SRPX: variants seen among roughly 807,000 people sequenced by gnomAD.
SRPX encodes the protein sushi repeat containing protein X-linked.
Under a neutral mutation model 38.1 loss-of-function variants are expected in SRPX, and 24 were observed. The ratio of observed to expected loss-of-function variants is 0.63; its 90% CI spans 0.46 to 0.89. SRPX has a LOEUF of 0.89. Ranked by LOEUF, SRPX falls within the 40% of genes least tolerant of loss-of-function variation. The pLI is 0.00. For missense variants in SRPX, 416 were observed against 377.8 expected (o/e 1.10, Z -0.84); for synonymous variants, 184 against 153.8 (o/e 1.20, Z -1.45).
chrX:38,203,751 C>T (rs192072525), intron 1 of SRPX, among the ~76,000 whole-genome samples: 38 of 111,804 alleles, frequency 3.4e-4, no homozygotes, highest in African/African-American at 1.1e-3. Flanking sequence ...TGCATTCCAG[C>T]CTGCGCAACA....
chrX:38,152,133 T>G (rs1470181191), intron 9 of SRPX, among the ~76,000 whole-genome samples: 1 of 111,836 alleles, frequency 8.9e-6, no homozygotes, highest in Non-Finnish European at 1.9e-5. Flanking sequence ...TCCCATTCTT[T>G]GCCTAAATCA....
rs777199934 is a variant in SRPX at position 38,220,769 on chromosome X, G to T, written c.24C>A (p.Pro8=). 9 of 1,133,344 alleles carry T rather than the reference G, an allele frequency of 7.9e-6. No homozygotes were observed. In the African/African-American group the frequency reaches 1.3e-4, roughly 16 times the overall value. 93.4% of individuals were successfully genotyped at this position (1,133,344 alleles called of 1,213,427 possible). ...GAGGCGGCAGCAGCAGCAGCAGCGC[G>T]GGCCGATGTGCGGGGCTCCCCATGG... is the stretch of plus-strand genomic sequence containing the variant. MGSPAHR[P]ALLLLLPPLL... Residue 8 remains proline, a synonymous_variant, in exon 1 of 10, where the codon CCC becomes CCA. Coordinates refer to ENST00000378533, the MANE Select transcript of SRPX (RefSeq NM_006307.5).
In SRPX at chrX:38,171,882, C is replaced by A. The variant is rs1489756105; in HGVS notation, c.525G>T (p.Val175=). 1 of 1,209,372 alleles carries A rather than the reference C, an allele frequency of 8.3e-7. No individual in the cohort carries two copies. The highest frequency in any genetic ancestry group is 1.1e-6 in the Non-Finnish European group (1 of 894,963). Residue 175 remains valine (V), a splice_region_variant and synonymous_variant, in exon 4 of 10, where the codon GTG becomes GTT. Transcript: ENST00000378533. ...CTAAGGGCTGTGGCATTTTCTTACC[C>A]ACACAGGAGGCTGGCCGGCCGCTCC... is the stretch of plus-strand genomic sequence containing the variant. The part of the protein sequence containing the change: ...KAWSGRPASC[V]DMEPPRIKCP...
chrX:38,212,339 G>A (rs1412037363), intron 1 of SRPX, among the ~76,000 whole-genome samples: 1 of 111,811 alleles, frequency 8.9e-6, no homozygotes, highest in Non-Finnish European at 1.9e-5. Context: ...GGAAAGGAAG[G>A]TCAGAGGATT....
intron 1 of SRPX, among the ~76,000 whole-genome samples, chrX:38,214,904 G>T: frequency 8.9e-6 from 1 of 111,739 alleles, no homozygotes; most frequent in South Asian, 3.8e-4. Context: ...CACAATAAGC[G>T]GCAGGCGAGC....
At chrX:38,209,205 G>T (rs1294812854) in intron 1 of SRPX, among the ~76,000 whole-genome samples, 1 of 110,069 alleles carries the variant, frequency 9.1e-6, no homozygotes, top group Non-Finnish European at 1.9e-5. Flanking sequence ...ACATAGAAAT[G>T]GAAGTTGTCA....
At chrX:38,159,919 A>G in intron 7 of SRPX, 98 bp downstream of exon 7, 1 of 976,444 alleles carries the variant, frequency 1.0e-6, no homozygotes, top group Non-Finnish European at 1.4e-6. Flanking sequence ...ATGGCCATGA[A>G]CTTCTCAAAG....
chrX:38,220,798 G>C lies in SRPX; in HGVS notation c.-6C>G, dbSNP rs766518457. 74 of 1,093,749 alleles carry C rather than the reference G, an allele frequency of 6.8e-5. No individual in the cohort carries two copies. The highest frequency in any genetic ancestry group is 7.8e-5 in the Non-Finnish European group (66 of 846,183). The allele number at this position is 1,093,749 out of a possible 1,213,427, so 90.1% of individuals were successfully genotyped here. On this transcript the variant is annotated 5_prime_UTR_variant, in exon 1 of 10. Transcript: ENST00000378533. ...CGATGTGCGGGGCTCCCCATGGCGA[G>C]CGGGCGCTTAGCTCGCCTCGGCAGC... is the stretch of plus-strand genomic sequence containing the variant.
chrX:38,151,595 G>A (rs1273108582), intron 9 of SRPX, among the ~76,000 whole-genome samples: 2 of 111,506 alleles, frequency 1.8e-5, no homozygotes, highest in Non-Finnish European at 3.8e-5. Flanking sequence ...GACACAGAAT[G>A]TAAAGAGGGA....
chrX:38,150,292 T>C (rs1937989118), intron 9 of SRPX, among the ~76,000 whole-genome samples: 1 of 112,383 alleles, frequency 8.9e-6, no homozygotes, highest in African/African-American at 3.2e-5. Context: ...TTTTTTTTAT[T>C]AAATTGGAAT....
At chrX:38,205,632 T>A (rs938368928) in intron 1 of SRPX, among the ~76,000 whole-genome samples, 2 of 112,217 alleles carry the variant, frequency 1.8e-5, no homozygotes, top group Non-Finnish European at 3.8e-5. Context: ...TATTTAGGTC[T>A]ATGATCTATT....
At position 38,154,532 on chromosome X, in the gene SRPX, C is replaced by T; in HGVS notation, c.1141G>A (p.Gly381Ser). 1 of 1,207,053 alleles carries T rather than the reference C, an allele frequency of 8.3e-7. No individual in the cohort carries two copies. Among genetic ancestry groups the T allele is most frequent in the Non-Finnish European group, 1.1e-6 (1 of 893,228 alleles). ...CTGCCAATGAGAGTCGGGAACACAC[C>T]CACCAGCTCCACCACGGTGATGTGT... ...LRHITVVELV[G>S]VFPTLIGRIG... The change falls in exon 9 of 10, where the codon GGT becomes AGT. Residue 381 changes from glycine (G) to serine (S), a missense_variant. Transcript: ENST00000378533.
At chrX:38,214,993 C>G (rs1307315503) in intron 1 of SRPX, among the ~76,000 whole-genome samples, 1 of 111,788 alleles carries the variant, frequency 8.9e-6, no homozygotes, top group African/African-American at 3.3e-5. Context: ...ACATTGCAAA[C>G]AGCTAGTGAT....
chrX:38,163,273 C>T (rs1473417106), intron 5 of SRPX, among the ~76,000 whole-genome samples: 1 of 112,071 alleles, frequency 8.9e-6, no homozygotes, highest in East Asian at 2.8e-4. Flanking sequence ...ACAAAATGTC[C>T]TGTCTCCTCT....
At chrX:38,203,323 A>G (rs968958279) in intron 1 of SRPX, among the ~76,000 whole-genome samples, 8 of 112,570 alleles carry the variant, frequency 7.1e-5, no homozygotes, top group Non-Finnish European at 1.1e-4. Context: ...GCCCACAATT[A>G]ACATTATACT....
At chrX:38,169,463 A>C (rs1292847199) in intron 4 of SRPX, among the ~76,000 whole-genome samples, 1 of 108,693 alleles carries the variant, frequency 9.2e-6, no homozygotes, top group Non-Finnish European at 1.9e-5. Context: ...ATTTGTGTTA[A>C]TAAATCTCCA....
chrX:38,198,134 G>T (rs983457204), intron 1 of SRPX, among the ~76,000 whole-genome samples: 1 of 112,400 alleles, frequency 8.9e-6, no homozygotes, highest in African/African-American at 3.2e-5. Context: ...TGGGGAGGGA[G>T]TGGTGTACAG....
intron 1 of SRPX, among the ~76,000 whole-genome samples, chrX:38,200,745 C>A: frequency 8.9e-6 from 1 of 111,848 alleles, no homozygotes; most frequent in Middle Eastern, 4.6e-3. Context: ...GAAGGCAGAG[C>A]CCTAATGGCC....
chrX:38,151,795 G>T (rs1397691911), intron 9 of SRPX, among the ~76,000 whole-genome samples: 1 of 111,370 alleles, frequency 9.0e-6, no homozygotes. Flanking sequence ...AGATTGGAAG[G>T]AGTTCTTCCT....
Sources: allele counts gnomAD v4.1 joint callset (sites outside exome capture counted in the v4.1 genomes callset), GRCh38; gene constraint gnomAD v4.1.1; transcripts MANE v1.5; gene names NCBI Gene and HGNC (gene_info 2026-07-23, HGNC 2026-07-21).